TOP2B: variants seen among roughly 807,000 people sequenced by gnomAD.
TOP2B encodes DNA topoisomerase II beta.
Under a neutral mutation model 193.5 loss-of-function variants are expected in TOP2B, and 51 were observed. The ratio of observed to expected loss-of-function variants is 0.26; its 90% CI spans 0.21 to 0.33. The LOEUF (loss-of-function observed/expected upper bound fraction) is 0.33. TOP2B is among the 10% of genes least tolerant of loss of function. The probability of loss-of-function intolerance (pLI) is 1.00; values close to 1 mark genes in which losing one functional copy is unlikely to be tolerated. For missense variants in TOP2B, 1,378 were observed against 1,909.3 expected (o/e 0.72, Z 5.19); for synonymous variants, 634 against 635.7 (o/e 1.00, Z 0.04).
At position 25,630,921 on chromosome 3, in the gene TOP2B, C is replaced by T. The variant is rs200329755; in HGVS notation, c.1285G>A (p.Val429Ile). The change falls in exon 11 of 36, where the codon GTA becomes ATA. Residue 429 changes from valine (V) to isoleucine (I), a missense_variant. By Grantham distance (29) the Val-to-Ile change is conservative. Coordinates refer to ENST00000264331, the MANE Select transcript of TOP2B (RefSeq NM_001330700.2). ...TTCACCCAGTTCAGGATACTTTCTA[C>T]AATGCCACAATTAGAGGCCTAAAAA... ...FFKAASNCGI[V>I]ESILNWVKFK... is the part of the protein sequence containing the mutation. 1.6e-4 allele frequency: 255 copies of T among 1,590,928 alleles called. 1 individual carries two copies. Among genetic ancestry groups the T allele is most frequent in the Middle Eastern group, 1.7e-4 (1 of 5,990 alleles).
chr3:25,626,817 A>G lies in TOP2B; in HGVS notation c.2064T>C (p.Asn688=). The G allele has an allele frequency of 6.2e-7, 1 of 1,607,442 alleles. No individual in the cohort carries two copies. The change falls in exon 17 of 36, where the codon AAT becomes AAC. Residue 688 remains asparagine (N), a synonymous_variant. Coordinates refer to ENST00000264331, the MANE Select transcript of TOP2B (RefSeq NM_001330700.2). ...KIDDRKEWLT[N]FMEDRRQRRL... ...TACGCTGTCTCCGGTCTTCCATAAAATTTGTTAACCATTCTTTTCTGTCAT... is the reference window on the plus strand; with the variant it reads ...TACGCTGTCTCCGGTCTTCCATAAAGTTTGTTAACCATTCTTTTCTGTCAT...
At chr3:25,631,466 T>C (rs1304598284) in intron 10 of TOP2B, among the ~76,000 whole-genome samples, 1 of 152,060 alleles carries the variant, frequency 6.6e-6, no homozygotes, top group African/African-American at 2.4e-5. Context: ...TACTCTGCAG[T>C]GAATCAATCT....
chr3:25,605,812 C>T (rs1702223186), intron 32 of TOP2B, among the ~76,000 whole-genome samples: 1 of 152,050 alleles, frequency 6.6e-6, no homozygotes, highest in Non-Finnish European at 1.5e-5. Context: ...CACAGATAAG[C>T]ATTTGCCTGT....
chr3:25,611,404 T>C (rs1702366318), intron 28 of TOP2B, among the ~76,000 whole-genome samples: 1 of 152,212 alleles, frequency 6.6e-6, no homozygotes, highest in Admixed American at 6.5e-5. Context: ...AAAATGCACC[T>C]ACGCTTCAAA....
intron 1 of TOP2B, among the ~76,000 whole-genome samples, chr3:25,648,193 G>C (rs1041361316): frequency 6.6e-6 from 1 of 152,146 alleles, no homozygotes; most frequent in Non-Finnish European, 1.5e-5. Flanking sequence ...GAAAACAAAA[G>C]CAAAGTGCTT....
intron 23 of TOP2B, among the ~76,000 whole-genome samples, chr3:25,619,622 G>C (rs1298325564): frequency 6.6e-6 from 1 of 151,778 alleles, no homozygotes; most frequent in Admixed American, 6.6e-5. Flanking sequence ...GTGAAGATGT[G>C]TGTATCCTGT....
Position 25,607,265 on chromosome 3 carries a change from T to C in TOP2B, c.4204A>G (p.Ile1402Val), listed in dbSNP as rs1194552177. Residue 1402 changes from isoleucine (I) to valine (V), a missense_variant, in exon 31 of 36, where the codon ATA becomes GTA. By Grantham distance (29) the Ile-to-Val change is conservative. Transcript: ENST00000264331. ...AATTCATCTTCCCCATCATTTGTTA[T>C]GGGAGATGCTTTAACTTTCAATTCC... is the stretch of plus-strand genomic sequence containing the variant. Reference protein sequence around the residue: ...LEELKVKASPITNDGEDEFVP... With the variant: ...LEELKVKASPVTNDGEDEFVP... 7 of 1,587,284 alleles carry C rather than the reference T, an allele frequency of 4.4e-6. No individual in the cohort carries two copies. Among genetic ancestry groups the C allele is most frequent in the East Asian group, 4.5e-5 (2 of 44,168 alleles).
rs1419452688 is a variant in TOP2B, at chr3:25,626,796, C to T, written c.2085G>A (p.Gln695=). 2 of 1,609,000 alleles carry T rather than the reference C, an allele frequency of 1.2e-6. No homozygotes were observed. The highest frequency in any genetic ancestry group is 2.2e-5 in the South Asian group (2 of 90,216). ...CCTCTGGTAAGCCATGTAGCCTACG[C>T]TGTCTCCGGTCTTCCATAAAATTTG... ...WLTNFMEDRR[Q]RRLHGLPEQF... is the part of the protein sequence containing the mutation. The change falls in exon 17 of 36, where the codon CAG becomes CAA. Residue 695 remains glutamine, a synonymous_variant. Transcript: ENST00000264331.
intron 28 of TOP2B, among the ~76,000 whole-genome samples, chr3:25,610,073 A>T (rs1702329627): frequency 6.6e-6 from 1 of 151,868 alleles, no homozygotes; most frequent in African/African-American, 2.4e-5. Flanking sequence ...CCATTAAAAA[A>T]TCCTGTAACC....
intron 34 of TOP2B, 106 bp downstream of exon 34, chr3:25,600,984 GTAAAGCAATT>G: frequency 9.3e-7 from 1 of 1,070,522 alleles, no homozygotes; most frequent in Non-Finnish European, 1.3e-6. Flanking sequence ...TTACTGAGGA[GTAAAGCAATT>G]TAAAACAAAA....
At chr3:25,655,902 G>C (rs917175472) in intron 1 of TOP2B, among the ~76,000 whole-genome samples, 1 of 152,116 alleles carries the variant, frequency 6.6e-6, no homozygotes, top group African/African-American at 2.4e-5. Context: ...GTGTTTAGTA[G>C]ATATAGTTTC....
chr3:25,620,095 A>G, intron 22 of TOP2B, 33 bp from the exon 23 acceptor site: 1 of 1,311,162 alleles, frequency 7.6e-7, no homozygotes, highest in South Asian at 1.3e-5. Flanking sequence ...GATTCTTTTC[A>G]TGACACACTC....
intron 1 of TOP2B, among the ~76,000 whole-genome samples, chr3:25,648,590 C>T (rs144361965): frequency 0.013 from 2,047 of 152,306 alleles, 50 homozygotes; most frequent in African/African-American, 0.045. Flanking sequence ...GGCGCAGTGG[C>T]TCACACCTGT....
Position 25,654,508 on chromosome 3 carries a change from C to A in TOP2B, c.70-9038G>T, listed in dbSNP as rs142061754. 1.2e-3 allele frequency among the ~76,000 whole-genome samples: 185 copies of A among 152,174 alleles called. 1 individual carries two copies. Among genetic ancestry groups the A allele is most frequent in the Non-Finnish European group, 2.2e-3 (152 of 67,998 alleles). On this transcript the variant is annotated intron_variant, in intron 1 of 35. Coordinates refer to ENST00000264331, the MANE Select transcript of TOP2B (RefSeq NM_001330700.2). ...AATATTGTTAAAATGTCCAAACTAT[C>A]CAAAGTGATCTACAGATTCAATGCC...
chr3:25,602,886 A>C lies in TOP2B; in HGVS notation c.4490-1661T>G, dbSNP rs188208072. On this transcript the variant is annotated intron_variant, in intron 33 of 35. Coordinates refer to ENST00000264331, the MANE Select transcript of TOP2B (RefSeq NM_001330700.2). The stretch of plus-strand genomic sequence containing the variant: ...ATTTGGAGTTAACATAGACAATCCC[A>C]CAGAGGGATATGATGCATCCTCTTC... 1.0e-3 allele frequency among the ~76,000 whole-genome samples: 153 copies of C among 152,312 alleles called. 1 individual carries two copies. Among genetic ancestry groups the C allele is most frequent in the Non-Finnish European group, 1.5e-3 (103 of 68,026 alleles).
Position 25,598,415 on chromosome 3 carries a change from A to C in TOP2B, c.4773T>G (p.Pro1591=). 1 of 1,613,536 alleles carries C rather than the reference A, an allele frequency of 6.2e-7. No homozygotes were observed. The highest frequency in any genetic ancestry group is 1.3e-5 in the African/African-American group (1 of 75,036). ...SDVDIFPSDF[P]TEPPSLPRTG... ...TTCGTGGCAGAGAAGGTGGCTCAGT[A>C]GGGAAGTCTGAGGGGAAGATGTCCA... The change falls in exon 36 of 36, where the codon CCT becomes CCG. Residue 1591 remains proline (P), a synonymous_variant. Transcript: ENST00000264331.
intron 12 of TOP2B, 25 bp from the exon 13 acceptor site, chr3:25,630,179 G>A: frequency 6.5e-7 from 1 of 1,533,940 alleles, no homozygotes. Flanking sequence ...AAAGCACTGA[G>A]AGTAGTTTGA....
intron 15 of TOP2B, among the ~76,000 whole-genome samples, chr3:25,627,999 C>G (rs1702852073): frequency 6.6e-6 from 1 of 151,134 alleles, no homozygotes; most frequent in African/African-American, 2.4e-5. Flanking sequence ...AGGAAGAGAG[C>G]CGAGATCCCA....
At position 25,627,242 on chromosome 3, in the gene TOP2B, C is replaced by T. The variant is rs765633968; in HGVS notation, c.1961G>A (p.Arg654Lys). 1 of 1,610,030 alleles carries T rather than the reference C, an allele frequency of 6.2e-7. No individual in the cohort carries two copies. Among genetic ancestry groups the T allele is most frequent in the South Asian group, 1.1e-5 (1 of 90,532 alleles). Reference sequence around the variant, plus strand: ...AGCATATCTAAACAAGATGCGATGCCTTTCCATATCAGCAAAATATTCCTT... The same window carrying T: ...AGCATATCTAAACAAGATGCGATGCTTTTCCATATCAGCAAAATATTCCTT... Reference protein sequence around the residue: ...EAKEYFADMERHRILFRYAGP... With the variant: ...EAKEYFADMEKHRILFRYAGP... The change falls in exon 16 of 36, where the codon AGG becomes AAG. Residue 654 changes from arginine (R) to lysine (K), a missense_variant. By Grantham distance (26) the Arg-to-Lys change is conservative. Transcript: ENST00000264331.
Sources: allele counts gnomAD v4.1 joint callset (sites outside exome capture counted in the v4.1 genomes callset), GRCh38; gene constraint gnomAD v4.1.1; transcripts MANE v1.5; gene names NCBI Gene and HGNC (gene_info 2026-07-23, HGNC 2026-07-21).